The following DLG2 variants were observed in gnomAD, a reference collection of about 807,000 sequenced individuals.
The protein encoded by DLG2 is discs large MAGUK scaffold protein 2.
A neutral mutation model predicts 132.5 loss-of-function variants in DLG2; 45 were observed. The ratio of observed to expected loss-of-function variants is 0.34; its 90% CI spans 0.27 to 0.44. The LOEUF is 0.44. Among genes scored for constraint, DLG2 ranks in the 20% least tolerant of loss-of-function variants. The pLI, the probability that DLG2 is intolerant of heterozygous loss-of-function variation, is 1.00. For missense variants in DLG2, 1,045 were observed against 1,196.9 expected (o/e 0.87, Z 1.87); for synonymous variants, 424 against 419.6 (o/e 1.01, Z -0.13).
At chr11:84,486,671 T>C (rs963578679) in intron 7 of DLG2, among the ~76,000 whole-genome samples, 2 of 152,112 alleles carry the variant, frequency 1.3e-5, no homozygotes, top group African/African-American at 4.8e-5. Context: ...AAAAGTCCTA[T>C]GAATGTTCTT....
At chr11:84,494,388 C>T (rs978544439) in intron 7 of DLG2, among the ~76,000 whole-genome samples, 3 of 152,082 alleles carry the variant, frequency 2.0e-5, no homozygotes, top group Admixed American at 6.6e-5. Flanking sequence ...ATACTTTTTA[C>T]CTGAAAGTAG....
chr11:85,443,221 A>T (rs1478709991), intron 3 of DLG2, among the ~76,000 whole-genome samples: 1 of 152,212 alleles, frequency 6.6e-6, no homozygotes. Flanking sequence ...TTAAGATGTC[A>T]ATCTCCTCCA....
In DLG2 at chr11:84,102,513, C is replaced by T. The variant is rs961734823; in HGVS notation, c.625-3466G>A. ...ATTACAAGAATAAAAAAGTAGAAAG[C>T]TCAGGCATTCAAACTGTGGTGCAGC... On this transcript the variant is annotated intron_variant, in intron 9 of 27. Transcript: ENST00000376104. 9.9e-5 allele frequency among the ~76,000 whole-genome samples: 15 copies of T among 152,126 alleles called. No individual in the cohort carries two copies. In the South Asian group the frequency reaches 1.2e-3, roughly 13 times the overall value.
chr11:83,794,976 G>T (rs1020239783), intron 17 of DLG2, among the ~76,000 whole-genome samples: 2 of 152,132 alleles, frequency 1.3e-5, no homozygotes, highest in Non-Finnish European at 2.9e-5. Flanking sequence ...TGGTCCAAAA[G>T]CAACCTGATC....
At chr11:83,743,091 C>G (rs1230666050) in intron 18 of DLG2, among the ~76,000 whole-genome samples, 1 of 152,160 alleles carries the variant, frequency 6.6e-6, no homozygotes, top group Non-Finnish European at 1.5e-5. Context: ...CCAACCAAGA[C>G]TAGGGTAATC....
At chr11:84,649,053 C>T (rs6592194) in intron 6 of DLG2, among the ~76,000 whole-genome samples, 72,000 of 151,860 alleles carry the variant, frequency 0.47, 19,214 homozygotes, top group African/African-American at 0.73. Flanking sequence ...GGGTTTTCCT[C>T]GATTTCTCCT....
chr11:84,268,854 C>T (rs952365178), intron 7 of DLG2, among the ~76,000 whole-genome samples: 14 of 152,164 alleles, frequency 9.2e-5, no homozygotes, highest in African/African-American at 3.1e-4. Flanking sequence ...ATGCTTGGAA[C>T]AGTGCATGGC....
intron 19 of DLG2, among the ~76,000 whole-genome samples, chr11:83,626,036 C>A (rs2062464152): frequency 6.6e-6 from 1 of 152,184 alleles, no homozygotes; most frequent in South Asian, 2.1e-4. Context: ...ATGCCAAGCA[C>A]TGTGGCATAA....
chr11:83,691,447 G>A lies in DLG2; in HGVS notation c.1826-58122C>T, dbSNP rs180865588. Among the ~76,000 whole-genome samples the A allele has an allele frequency of 4.6e-5, 7 of 152,206 alleles. No individual in the cohort carries two copies. The East Asian group carries it at 1.2e-3, about 25-fold the overall frequency. ...ACAATACTTTTCATTCTCCCTCTTC[G>A]AGTCTCTCAAATACACACTTGGCCC... On this transcript the variant is annotated intron_variant, in intron 18 of 27. Transcript: ENST00000376104.
intron 3 of DLG2, among the ~76,000 whole-genome samples, chr11:85,360,788 TTC>T (rs1555078387): frequency 1.3e-5 from 2 of 152,206 alleles, no homozygotes; most frequent in Non-Finnish European, 2.9e-5. Flanking sequence ...CAGGACGCCC[TTC>T]TCAATAAAAT....
At chr11:84,776,985 T>C (rs77788350) in intron 6 of DLG2, among the ~76,000 whole-genome samples, 3,754 of 152,086 alleles carry the variant, frequency 0.025, 157 homozygotes, top group African/African-American at 0.087. Flanking sequence ...TTTTAGGGTA[T>C]CCATCACTCA....
chr11:85,465,609 T>G (rs1380797580), intron 3 of DLG2, among the ~76,000 whole-genome samples: 3 of 152,160 alleles, frequency 2.0e-5, no homozygotes, highest in African/African-American at 7.2e-5. Flanking sequence ...TCCAGCTTCA[T>G]CCATGTCCTT....
rs142288437 is a variant in DLG2 at position 84,154,751 on chromosome 11, T to C, written c.624+8710A>G. On this transcript the variant is annotated intron_variant, in intron 9 of 27. Coordinates refer to ENST00000376104, the MANE Select transcript of DLG2 (RefSeq NM_001142699.3). ...CCTATGACTGAGAACATGCAGTGTTTGGTTTTTTGTCCCTGCGATAGTTTA... is the reference window on the plus strand; with the variant it reads ...CCTATGACTGAGAACATGCAGTGTTCGGTTTTTTGTCCCTGCGATAGTTTA... Among the ~76,000 whole-genome samples, 1,210 of 152,274 alleles carry C rather than the reference T, an allele frequency of 7.9e-3. 17 individuals are homozygous for C. The highest frequency in any genetic ancestry group is 9.2e-3 in the Non-Finnish European group (626 of 68,028).
chr11:84,124,197 CAT>C (rs2154208663), intron 9 of DLG2, among the ~76,000 whole-genome samples: 1 of 152,154 alleles, frequency 6.6e-6, no homozygotes, highest in South Asian at 2.1e-4. Context: ...ACTACCAGCA[CAT>C]GTTTTTTTCC....
At chr11:84,088,021 C>A (rs533863728) in intron 10 of DLG2, among the ~76,000 whole-genome samples, 13 of 152,188 alleles carry the variant, frequency 8.5e-5, no homozygotes, top group Admixed American at 2.0e-4. Context: ...TTACACATTC[C>A]GGATACAAGT....
intron 3 of DLG2, among the ~76,000 whole-genome samples, chr11:85,508,509 G>C (rs2093986158): frequency 1.3e-5 from 2 of 151,548 alleles, no homozygotes; most frequent in Non-Finnish European, 2.9e-5. Flanking sequence ...ATTTTTTGTG[G>C]TGCTTACCAG....
intron 9 of DLG2, among the ~76,000 whole-genome samples, chr11:84,150,802 G>T (rs2095269735): frequency 6.6e-6 from 1 of 152,104 alleles, no homozygotes; most frequent in Admixed American, 6.5e-5. Context: ...AGTTGGTTGA[G>T]ATTTTTTATG....
At chr11:83,629,281 CA>C (rs35328230) in intron 19 of DLG2, among the ~76,000 whole-genome samples, 285 of 152,242 alleles carry the variant, frequency 1.9e-3, no homozygotes, top group African/African-American at 6.6e-3. Flanking sequence ...AATATACACT[CA>C]AAAAATGTTT....
chr11:85,102,194 A>T (rs1164126241), intron 6 of DLG2, among the ~76,000 whole-genome samples: 2 of 152,006 alleles, frequency 1.3e-5, no homozygotes, highest in African/African-American at 4.8e-5. Context: ...TCAGAAACAG[A>T]GCCAAATTGG....
Sources: gnomAD v4.1 joint callset for allele counts (sites outside exome capture counted in the v4.1 genomes callset) on GRCh38, gnomAD v4.1.1 for gene constraint, MANE v1.5 for transcripts, NCBI Gene and HGNC (gene_info 2026-07-23, HGNC 2026-07-21) for gene names.